The following SSMEM1 variants were observed in gnomAD, a reference collection of about 807,000 sequenced individuals.
SSMEM1 encodes serine-rich single-pass membrane protein 1.
In SSMEM1, 12 loss-of-function variants were observed where a neutral mutation model predicts 9.9. That is an observed-to-expected ratio of 1.21 (90% CI 0.78 to 1.96). SSMEM1 has a LOEUF of 1.96. SSMEM1 is among the 30% of genes most tolerant of loss of function. The pLI is 0.00. For missense variants in SSMEM1, 259 were observed against 292.2 expected, an observed-to-expected ratio of 0.89 and a Z score of 0.83; for synonymous variants, 96 against 98.9, an observed-to-expected ratio of 0.97 and a Z score of 0.17.
At chr7:130,209,848 C>T (rs1798560579) in intron 1 of SSMEM1, among the ~76,000 whole-genome samples, 1 of 152,128 alleles carries the variant, frequency 6.6e-6, no homozygotes, top group Non-Finnish European at 1.5e-5. Flanking sequence ...AAAGTGCTGG[C>T]ATTACAGGCG....
intron 2 of SSMEM1, among the ~76,000 whole-genome samples, chr7:130,214,601 T>G (rs918889381): frequency 6.6e-6 from 1 of 152,180 alleles, no homozygotes; most frequent in Non-Finnish European, 1.5e-5. Context: ...ACAAGTATAG[T>G]TCCAGCGTGA....
rs940965147 is a variant in SSMEM1, at chr7:130,213,517, G to A, written c.221G>A (p.Ser74Asn). Residue 74 changes from serine (S) to asparagine (N), a missense_variant, in exon 2 of 3, where the codon AGT becomes AAT. Transcript: ENST00000297819. ...EDKKDEGSGT[S>N]TSVRKASKET... ...AAAAAGGATGAAGGCAGTGGGACAAGTACTTCAGTAAGGAAAGGTGAGAAC... is the reference window on the plus strand; with the variant it reads ...AAAAAGGATGAAGGCAGTGGGACAAATACTTCAGTAAGGAAAGGTGAGAAC... 6.2e-7 allele frequency: 1 copy of A among 1,611,926 alleles called. No individual in the cohort carries two copies. The highest frequency in any genetic ancestry group is 1.7e-5 in the Admixed American group (1 of 59,928).
At chr7:130,206,331 C>T (rs1798468218), upstream of SSMEM1, among the ~76,000 whole-genome samples, 1 of 152,206 alleles carries the variant, frequency 6.6e-6, no homozygotes, top group Admixed American at 6.5e-5. Context: ...CAGCCCAGCC[C>T]CAGCTCTCGC....
At chr7:130,206,294 A>C (rs184871863), upstream of SSMEM1, among the ~76,000 whole-genome samples, 85 of 151,826 alleles carry the variant, frequency 5.6e-4, no homozygotes, top group African/African-American at 1.9e-3. Context: ...GGTGAGGTGG[A>C]TGCAGTGCTC....
At chr7:130,211,627 A>G (rs1233803495) in intron 1 of SSMEM1, among the ~76,000 whole-genome samples, 1 of 152,220 alleles carries the variant, frequency 6.6e-6, no homozygotes, top group East Asian at 1.9e-4. Context: ...ATACCGAACT[A>G]TGGCACTTTT....
At chr7:130,205,792 C>G (rs890297354), upstream of SSMEM1, among the ~76,000 whole-genome samples, 1 of 152,126 alleles carries the variant, frequency 6.6e-6, no homozygotes, top group Non-Finnish European at 1.5e-5. Flanking sequence ...AGTGACAAAG[C>G]ATTTCTTTCC....
chr7:130,205,838 C>A (rs900159949), upstream of SSMEM1, among the ~76,000 whole-genome samples: 1 of 146,718 alleles, frequency 6.8e-6, no homozygotes, highest in Non-Finnish European at 1.5e-5. Context: ...AGTCCTGACC[C>A]CATGTAATTT....
chr7:130,205,468 A>G (rs1798425614), upstream of SSMEM1: 2 of 1,595,732 alleles, frequency 1.3e-6, no homozygotes, highest in South Asian at 1.1e-5. Flanking sequence ...GCGGCTCTAA[A>G]GTTACCGGAA....
intron 2 of SSMEM1, among the ~76,000 whole-genome samples, chr7:130,214,304 C>G (rs954553891): frequency 2.6e-5 from 4 of 152,070 alleles, no homozygotes; most frequent in African/African-American, 7.2e-5. Flanking sequence ...CTCAGCTACT[C>G]AGGAGGCTGA....
intron 1 of SSMEM1, among the ~76,000 whole-genome samples, chr7:130,212,171 A>G (rs1378781202): frequency 6.6e-6 from 1 of 152,236 alleles, no homozygotes; most frequent in Non-Finnish European, 1.5e-5. Flanking sequence ...AAAGTGGGAC[A>G]CTAATCTGAA....
upstream of SSMEM1, among the ~76,000 whole-genome samples, chr7:130,206,472 A>G (rs1379115459): frequency 6.6e-6 from 1 of 152,252 alleles, no homozygotes; most frequent in African/African-American, 2.4e-5. Flanking sequence ...TACATCATGT[A>G]TGTCCAATGG....
At chr7:130,205,443 G>A (rs2697012), upstream of SSMEM1, 4 of 1,611,298 alleles carry the variant, frequency 2.5e-6, no homozygotes, top group East Asian at 2.2e-5. Context: ...AGCTCAAGCG[G>A]GAGGCCACCG....
At chr7:130,212,227 G>A (rs1413787250) in intron 1 of SSMEM1, among the ~76,000 whole-genome samples, 2 of 152,194 alleles carry the variant, frequency 1.3e-5, no homozygotes, top group Admixed American at 6.5e-5. Context: ...CAGAATATTT[G>A]AAATTGAAAC....
rs541107967 is a variant in SSMEM1 at position 130,208,156 on chromosome 7, AATAC to A, written c.183+66_183+69del. Reference sequence around the variant, plus strand: ...CTGTACACTAGGAAAATTTCCATAAAATACATTTACTATACTTTGATGAAACTAC... The same window carrying A: ...CTGTACACTAGGAAAATTTCCATAAAATTTACTATACTTTGATGAAACTAC... On this transcript the variant is annotated intron_variant, in intron 1 of 2. Transcript: ENST00000297819. The A allele has an allele frequency of 8.5e-3, 12,234 of 1,446,978 alleles. 66 individuals carry two copies. Among genetic ancestry groups the A allele is most frequent in the Non-Finnish European group, 0.01 (11,235 of 1,079,340 alleles). 89.6% of individuals were successfully genotyped at this position (1,446,978 alleles called of 1,614,324 possible). A position where few individuals can be genotyped will look rare whatever the true frequency, so the allele number is the denominator to read the frequency against.
chr7:130,210,934 AGAAAATGTG>A (rs1798579806), intron 1 of SSMEM1, among the ~76,000 whole-genome samples: 1 of 152,240 alleles, frequency 6.6e-6, no homozygotes, highest in Non-Finnish European at 1.5e-5. Flanking sequence ...CACATTATAT[AGAAAATGTG>A]GAAATTATAG....
At chr7:130,211,857 C>T (rs528013359) in intron 1 of SSMEM1, among the ~76,000 whole-genome samples, 23 of 152,206 alleles carry the variant, frequency 1.5e-4, no homozygotes, top group African/African-American at 4.8e-4. Context: ...AGTATGGTAG[C>T]ACACTTATTT....
chr7:130,205,454 G>A, upstream of SSMEM1: 1 of 1,608,524 alleles, frequency 6.2e-7, no homozygotes, highest in Non-Finnish European at 8.5e-7. Flanking sequence ...GAGGCCACCG[G>A]CAAGCGGCTC....
chr7:130,214,437 A>T (rs1014700831), intron 2 of SSMEM1, among the ~76,000 whole-genome samples: 1 of 152,066 alleles, frequency 6.6e-6, no homozygotes, highest in Admixed American at 6.5e-5. Context: ...ATAAATAAAT[A>T]AAAATAAATA....
At position 130,214,122 on chromosome 7, in the gene SSMEM1, T is replaced by C. The variant is rs184654096; in HGVS notation, c.238+588T>C. Among the ~76,000 whole-genome samples the C allele has an allele frequency of 7.2e-5, 11 of 152,356 alleles. No individual in the cohort carries two copies. The East Asian group carries it at 1.2e-3, about 16-fold the overall frequency. On this transcript the variant is annotated intron_variant, in intron 2 of 2. Transcript: ENST00000297819. ...TCTCCAAAACTCCTGTGTGTACATA[T>C]GCTTACTAAAAATTTTACTGATATA...
Sources: gnomAD v4.1 joint callset for allele counts (sites outside exome capture counted in the v4.1 genomes callset) on GRCh38, gnomAD v4.1.1 for gene constraint, MANE v1.5 for transcripts, NCBI Gene and HGNC (gene_info 2026-07-23, HGNC 2026-07-21) for gene names.